ZNF439: variants seen among roughly 807,000 people sequenced by gnomAD.
ZNF439 encodes zinc finger protein 439.
Under a neutral mutation model 47.3 loss-of-function variants are expected in ZNF439, and 40 were observed. The observed-to-expected ratio is 0.85, with a 90% confidence interval of 0.66 to 1.10. The LOEUF (loss-of-function observed/expected upper bound fraction) is 1.10, where lower values mean the gene tolerates loss of function less well. Among genes scored for constraint, ZNF439 ranks in the 50% least tolerant of loss-of-function variants. ZNF439 has a pLI of 0.00. For synonymous variants in ZNF439, 171 were observed against 198.8 expected, an observed-to-expected ratio of 0.86 and a Z score of 1.18; for missense variants, 556 against 601.1, an observed-to-expected ratio of 0.93 and a Z score of 0.78.
intron 1 of ZNF439, among the ~76,000 whole-genome samples, chr19:11,851,295 C>G (rs1276876044): frequency 6.6e-6 from 1 of 152,174 alleles, no homozygotes; most frequent in Non-Finnish European, 1.5e-5. Context: ...AAATTTATTA[C>G]TCTGTTGATT....
chr19:11,857,346 G>A (rs1208367670), intron 1 of ZNF439: 5 of 152,300 alleles, frequency 3.3e-5, no homozygotes, highest in South Asian at 4.1e-4. Flanking sequence ...CAATAATTGC[G>A]TCTGGATCAT....
At chr19:11,851,965 T>C (rs1976257564) in intron 1 of ZNF439, among the ~76,000 whole-genome samples, 1 of 152,200 alleles carries the variant, frequency 6.6e-6, no homozygotes, top group Non-Finnish European at 1.5e-5. Context: ...TAATTTGTTA[T>C]CGTTTGCTTT....
Position 11,868,203 on chromosome 19 carries a change from A to G in ZNF439, c.1149A>G (p.Gly383=). 6.2e-7 allele frequency: 1 copy of G among 1,614,064 alleles called. No homozygotes were observed. Among genetic ancestry groups the G allele is most frequent in the Non-Finnish European group, 8.5e-7 (1 of 1,180,010 alleles). The change falls in exon 4 of 4, where the codon GGA becomes GGG. Residue 383 remains glycine (G), a synonymous_variant. Transcript: ENST00000682736. Reference sequence around the variant, plus strand: ...AAAGACATGAAAAAACTCACAGTGGAGAGAAACCGTATAAATGCAAGCAAT... The same window carrying G: ...AAAGACATGAAAAAACTCACAGTGGGGAGAAACCGTATAAATGCAAGCAAT... The part of the protein sequence containing the change: ...SFQRHEKTHS[G]EKPYKCKQCG...
chr19:11,848,776 G>C lies in ZNF439; in HGVS notation c.-92G>C. ...TTGCATTCCTGCCGTCACCTTTGTC[G>C]CTGCGAGGGCGGCGGTTGGGATCTG... On this transcript the variant is annotated 5_prime_UTR_variant, in exon 1 of 4. Transcript: ENST00000682736. 7 of 1,331,060 alleles carry C rather than the reference G, an allele frequency of 5.3e-6. No individual in the cohort carries two copies. The South Asian group carries it at 7.8e-5, about 15-fold the overall frequency. The allele number at this position is 1,331,060 out of a possible 1,614,324, so 82.5% of individuals were successfully genotyped here. A position where few individuals can be genotyped will look rare whatever the true frequency, so the allele number is the denominator to read the frequency against.
At chr19:11,859,090 T>C (rs1273419409) in intron 1 of ZNF439, among the ~76,000 whole-genome samples, 1 of 152,214 alleles carries the variant, frequency 6.6e-6, no homozygotes, top group Admixed American at 6.5e-5. Context: ...AGTGCACATT[T>C]ACAATCTACG....
At chr19:11,849,932 T>G (rs1318116899) in intron 1 of ZNF439, 1 of 152,180 alleles carries the variant, frequency 6.6e-6, no homozygotes, top group East Asian at 1.9e-4. Context: ...AGTTGCTGCA[T>G]GTAAACTCCT....
intron 1 of ZNF439, among the ~76,000 whole-genome samples, chr19:11,860,492 A>G (rs1976509510): frequency 6.6e-6 from 1 of 152,060 alleles, no homozygotes; most frequent in African/African-American, 2.4e-5. Flanking sequence ...TGTGTGGTGA[A>G]TTTCATTTCC....
chr19:11,863,187 G>A (rs1183870724), intron 1 of ZNF439, among the ~76,000 whole-genome samples: 2 of 130,774 alleles, frequency 1.5e-5, no homozygotes, highest in African/African-American at 5.9e-5. Flanking sequence ...TTGTAGTCTG[G>A]CTCTCTGGCC....
intron 1 of ZNF439, chr19:11,849,146 A>G (rs1484205543): frequency 4.4e-6 from 5 of 1,139,600 alleles, no homozygotes; most frequent in Non-Finnish European, 5.4e-6. Context: ...CTTGGCCCCG[A>G]AGCCCTTTTG....
In ZNF439 at chr19:11,867,844, A is replaced by C. The variant is rs767294186; in HGVS notation, c.790A>C (p.Ile264Leu). 1 of 1,613,844 alleles carries C rather than the reference A, an allele frequency of 6.2e-7. No individual in the cohort carries two copies. Among genetic ancestry groups the C allele is most frequent in the Non-Finnish European group, 8.5e-7 (1 of 1,179,904 alleles). ...TTTTAGTTATTCTGCTACCCATCGA[A>C]TACATGAAAGAACTCACATTGGAGA... Reference protein sequence around the residue: ...KSFSYSATHRIHERTHIGEKP... With the variant: ...KSFSYSATHRLHERTHIGEKP... The change falls in exon 4 of 4, where the codon ATA (isoleucine) becomes CTA (leucine). Residue 264 changes from isoleucine to leucine, a missense_variant. Coordinates refer to ENST00000682736, the MANE Select transcript of ZNF439 (RefSeq NM_001348719.2).
rs145561813 is a variant in ZNF439 at position 11,859,689 on chromosome 19, G to A, written c.64-6516G>A. Among the ~76,000 whole-genome samples, 881 of 152,182 alleles carry A rather than the reference G, an allele frequency of 5.8e-3. 9 individuals carry two copies. Among genetic ancestry groups the A allele is most frequent in the African/African-American group, 0.02 (843 of 41,504 alleles). ...CGGGCCTTATGGAAATAGGAAAAAC[G>A]CAAGGTCCTAAGGGCTCTCCAGCTA... On this transcript the variant is annotated intron_variant, in intron 1 of 3. Coordinates refer to ENST00000682736, the MANE Select transcript of ZNF439 (RefSeq NM_001348719.2).
chr19:11,867,735 A>T lies in ZNF439; in HGVS notation c.681A>T (p.Ala227=), dbSNP rs565807673. The change falls in exon 4 of 4, where the codon GCA becomes GCT. Residue 227 remains alanine (A), a synonymous_variant. Coordinates refer to ENST00000682736, the MANE Select transcript of ZNF439 (RefSeq NM_001348719.2). ...ATAAATGTAAGTTTTGTGGGAAAGC[A>T]TTCCATTGTCTCAGTTTATATCTTA... is the stretch of plus-strand genomic sequence containing the variant. The part of the protein sequence containing the change: ...GPYKCKFCGK[A]FHCLSLYLIH... 1.0e-4 allele frequency: 164 copies of T among 1,614,202 alleles called. No individual in the cohort carries two copies. The highest frequency in any genetic ancestry group is 1.3e-4 in the Non-Finnish European group (154 of 1,180,024).
chr19:11,850,482 C>T (rs1269163499), intron 1 of ZNF439: 1 of 152,052 alleles, frequency 6.6e-6, no homozygotes, highest in Non-Finnish European at 1.5e-5. Context: ...ATGCAGTCGC[C>T]TTATTTGGAC....
At chr19:11,856,673 T>C (rs1239068239) in intron 1 of ZNF439, 1 of 152,282 alleles carries the variant, frequency 6.6e-6, no homozygotes, top group Non-Finnish European at 1.5e-5. Context: ...GGGACAGGCT[T>C]GCGCCATAGT....
intron 1 of ZNF439, among the ~76,000 whole-genome samples, chr19:11,865,796 G>C (rs1207089086): frequency 6.7e-6 from 1 of 150,324 alleles, no homozygotes; most frequent in Non-Finnish European, 1.5e-5. Flanking sequence ...GTGACTCTGA[G>C]GCAGGTGGAT....
At chr19:11,859,567 G>A (rs765559961) in intron 1 of ZNF439, among the ~76,000 whole-genome samples, 1 of 152,210 alleles carries the variant, frequency 6.6e-6, no homozygotes, top group Non-Finnish European at 1.5e-5. Context: ...AATGGGCTCT[G>A]TACTCCATTA....
intron 1 of ZNF439, among the ~76,000 whole-genome samples, chr19:11,853,097 T>C (rs924916114): frequency 1.3e-5 from 2 of 151,190 alleles, no homozygotes; most frequent in Admixed American, 1.3e-4. Context: ...GCCTGGCTAA[T>C]TTTTGTATTT....
chr19:11,851,918 G>T (rs1462426174), intron 1 of ZNF439, among the ~76,000 whole-genome samples: 2 of 152,172 alleles, frequency 1.3e-5, no homozygotes, highest in Non-Finnish European at 2.9e-5. Flanking sequence ...CAAGTCTTGG[G>T]ATTGCAGGCG....
intron 1 of ZNF439, among the ~76,000 whole-genome samples, chr19:11,853,557 C>T (rs1444472979): frequency 6.6e-6 from 1 of 152,144 alleles, no homozygotes; most frequent in Non-Finnish European, 1.5e-5. Context: ...CAGCACAGCA[C>T]CAGGGAGTGA....
Sources: allele counts gnomAD v4.1 joint callset (sites outside exome capture counted in the v4.1 genomes callset), GRCh38; gene constraint gnomAD v4.1.1; transcripts MANE v1.5; gene names NCBI Gene and HGNC (gene_info 2026-07-23, HGNC 2026-07-21).